Variants in DOCK2 observed in about 807,000 individuals in gnomAD.
DOCK2 encodes dedicator of cytokinesis protein 2.
Under a neutral mutation model 248.9 loss-of-function variants are expected in DOCK2, and 87 were observed. That is an observed-to-expected ratio of 0.35 (90% CI 0.29 to 0.42). The LOEUF (loss-of-function observed/expected upper bound fraction) is 0.42. Ranked by LOEUF, DOCK2 falls within the 10% of genes least tolerant of loss-of-function variation. The pLI, the probability that DOCK2 is intolerant of heterozygous loss-of-function variation, is 1.00. For missense variants in DOCK2, 1,747 were observed against 2,300.2 expected (o/e 0.76, Z 4.92); for synonymous variants, 805 against 821.6 (o/e 0.98, Z 0.35).
intron 27 of DOCK2, among the ~76,000 whole-genome samples, chr5:169,972,157 C>G (rs968793145): frequency 6.6e-6 from 1 of 152,198 alleles, no homozygotes; most frequent in African/African-American, 2.4e-5. Flanking sequence ...TTAGCTCAAT[C>G]TCTATCAATC....
chr5:169,730,176 T>C (rs1483460213), intron 22 of DOCK2, among the ~76,000 whole-genome samples: 1 of 152,110 alleles, frequency 6.6e-6, no homozygotes. Context: ...AGGCTGGTCT[T>C]GAACTCCTGA....
intron 33 of DOCK2, among the ~76,000 whole-genome samples, chr5:170,021,999 T>A (rs1755744974): frequency 6.6e-6 from 1 of 152,162 alleles, no homozygotes. Flanking sequence ...ACCACATTGT[T>A]CCCTCTCTAA....
chr5:170,079,395 ATCCTT>A (rs1757948130), intron 49 of DOCK2: 4 of 446,682 alleles, frequency 9.0e-6, no homozygotes, highest in Non-Finnish European at 1.6e-5. Flanking sequence ...GCCTGTGTGT[ATCCTT>A]TCCACCATCA....
At chr5:169,714,278 A>G in intron 18 of DOCK2, 67 bp downstream of exon 18, 3 of 1,608,578 alleles carry the variant, frequency 1.9e-6, no homozygotes, top group African/African-American at 1.3e-5. Context: ...ACATGTGTGT[A>G]TGTGCTTGCA....
rs1758049755 is a variant in DOCK2, at chr5:170,081,935, A to G, written c.5381A>G (p.Asp1794Gly). The change falls in exon 51 of 52, where the codon GAC (aspartate) becomes GGC (glycine). Residue 1794 changes from aspartate (D) to glycine (G), a missense_variant. Around this residue, in one of 4 missense-constraint regions of DOCK2, gnomAD observed 513 missense variants for 586.1 expected, o/e 0.88. Transcript: ENST00000520908. ...ACCTTCCTCCAACTCTCAGATGGTG[A>G]CAAGAAGACACTCACACGGAAGAAG... ...SQTFLQLSDG[D>G]KKTLTRKKVN... The G allele has an allele frequency of 6.2e-7, 1 of 1,614,182 alleles. No homozygotes were observed. The highest frequency in any genetic ancestry group is 1.3e-5 in the African/African-American group (1 of 75,046).
chr5:169,637,444 G>C (rs1236978252), intron 1 of DOCK2, 75 bp downstream of exon 1: 10 of 1,286,332 alleles, frequency 7.8e-6, no homozygotes, highest in Admixed American at 4.2e-5. Context: ...GATGCTGCGG[G>C]GCCGGCGGCG....
intron 23 of DOCK2, among the ~76,000 whole-genome samples, chr5:169,749,764 T>G (rs1355807438): frequency 6.6e-6 from 1 of 152,264 alleles, no homozygotes; most frequent in Non-Finnish European, 1.5e-5. Context: ...TAGTTGGGAC[T>G]GCAGTCTTCT....
At chr5:169,851,841 G>C (rs1311614699) in intron 27 of DOCK2, among the ~76,000 whole-genome samples, 2 of 152,172 alleles carry the variant, frequency 1.3e-5, no homozygotes, top group Non-Finnish European at 2.9e-5. Context: ...TCACTAGCAT[G>C]AGAACAGCCT....
At chr5:169,997,554 T>G (rs1421372310) in intron 30 of DOCK2, among the ~76,000 whole-genome samples, 53 of 136,388 alleles carry the variant, frequency 3.9e-4, no homozygotes, top group African/African-American at 1.4e-3. Flanking sequence ...CTTCCGCAGT[T>G]TTTGTGTCCC....
intron 9 of DOCK2, among the ~76,000 whole-genome samples, chr5:169,691,316 T>C (rs2113409227): frequency 6.6e-6 from 1 of 152,254 alleles, no homozygotes; most frequent in East Asian, 1.9e-4. Context: ...ACCTCCAGCC[T>C]GGGGATTACA....
At chr5:170,026,302 G>A (rs1350671485) in intron 33 of DOCK2, among the ~76,000 whole-genome samples, 3 of 152,114 alleles carry the variant, frequency 2.0e-5, no homozygotes, top group Non-Finnish European at 2.9e-5. Context: ...CTTTAGACAG[G>A]TCACTTAAAC....
chr5:169,686,945 T>G (rs78861387), intron 8 of DOCK2, among the ~76,000 whole-genome samples: 1,594 of 152,272 alleles, frequency 0.01, 25 homozygotes, highest in African/African-American at 0.037. Context: ...CTGAGTAGGT[T>G]GTCATTTGGA....
chr5:169,965,670 C>G (rs1777272580), intron 27 of DOCK2, among the ~76,000 whole-genome samples: 1 of 152,088 alleles, frequency 6.6e-6, no homozygotes, highest in Admixed American at 6.5e-5. Flanking sequence ...AGAGTCCAAC[C>G]TCATCCAAGG....
At chr5:169,769,278 T>C (rs10055949) in intron 25 of DOCK2, among the ~76,000 whole-genome samples, 15,062 of 152,166 alleles carry the variant, frequency 0.099, 1,036 homozygotes, top group African/African-American at 0.2. Flanking sequence ...TTTTGACGTT[T>C]CCCTCAGTTT....
intron 45 of DOCK2, 62 bp from the exon 46 acceptor site, chr5:170,069,075 A>C: frequency 6.8e-7 from 1 of 1,473,352 alleles, no homozygotes; most frequent in Non-Finnish European, 9.4e-7. Context: ...CCAGTGCCAA[A>C]GAGATTGGCT....
chr5:170,026,158 G>A (rs959844136), intron 33 of DOCK2, among the ~76,000 whole-genome samples: 4 of 152,210 alleles, frequency 2.6e-5, no homozygotes, highest in South Asian at 2.1e-4. Flanking sequence ...ATGGCATCAC[G>A]GATGATGTGT....
At chr5:169,968,697 TC>T (rs893793401) in intron 27 of DOCK2, among the ~76,000 whole-genome samples, 20 of 152,208 alleles carry the variant, frequency 1.3e-4, no homozygotes, top group African/African-American at 4.8e-4. Context: ...CAATTTTGAC[TC>T]CCGCTAGTTA....
At chr5:170,044,095 C>T (rs1025259345) in intron 38 of DOCK2, among the ~76,000 whole-genome samples, 11 of 152,142 alleles carry the variant, frequency 7.2e-5, no homozygotes, top group African/African-American at 2.7e-4. Flanking sequence ...CCTCAGTGCC[C>T]CCTCAGCTTT....
chr5:170,030,457 T>G (rs1328391441), intron 34 of DOCK2, among the ~76,000 whole-genome samples: 1 of 152,200 alleles, frequency 6.6e-6, no homozygotes, highest in Non-Finnish European at 1.5e-5. Flanking sequence ...AGAGTTTTTG[T>G]TGGGAGTCTA....
Sources: allele counts gnomAD v4.1 joint callset (sites outside exome capture counted in the v4.1 genomes callset), GRCh38; gene constraint gnomAD v4.1.1; regional missense constraint gnomAD v4.1.1; transcripts MANE v1.5; gene names NCBI Gene and HGNC (gene_info 2026-07-23, HGNC 2026-07-21).